NAA50: variants seen among roughly 807,000 people sequenced by gnomAD.
NAA50 encodes the protein N-alpha-acetyltransferase 50.
In NAA50, 7 loss-of-function variants were observed where a neutral mutation model predicts 20.7. The observed-to-expected ratio is 0.34, with a 90% CI of 0.19 to 0.63. The LOEUF is 0.63. NAA50 is among the 30% of genes least tolerant of loss of function. The pLI is 0.75. For missense variants in NAA50, 111 were observed against 199.1 expected, an observed-to-expected ratio of 0.56 and a Z score of 2.66; for synonymous variants, 54 against 70.6, an observed-to-expected ratio of 0.77 and a Z score of 1.18.
chr3:113,733,501 GATAAT>G (rs1168729023), intron 1 of NAA50, among the ~76,000 whole-genome samples: 2 of 152,002 alleles, frequency 1.3e-5, no homozygotes, highest in Admixed American at 6.6e-5. Context: ...CAGATCATAA[GATAAT>G]ATAAGGTATT....
chr3:113,731,404 A>G (rs9827682), intron 1 of NAA50, among the ~76,000 whole-genome samples: 54,208 of 151,990 alleles, frequency 0.36, 9,756 homozygotes, highest in East Asian at 0.4. Flanking sequence ...TTCTCTAGAC[A>G]TTTTACATTT....
intron 1 of NAA50, among the ~76,000 whole-genome samples, chr3:113,726,930 G>A (rs1708206547): frequency 1.3e-5 from 2 of 152,254 alleles, no homozygotes; most frequent in Middle Eastern, 3.4e-3. Context: ...GAGTAGCTGA[G>A]GAAGGCACAT....
intron 1 of NAA50, among the ~76,000 whole-genome samples, chr3:113,743,183 A>G (rs1293540426): frequency 6.6e-6 from 1 of 152,210 alleles, no homozygotes; most frequent in Non-Finnish European, 1.5e-5. Flanking sequence ...AAAAATACTC[A>G]TGGTAAAAAT....
At position 113,717,007 on chromosome 3, in the gene NAA50, T is replaced by G. The variant is rs1222785615; in HGVS notation, c.*4753A>C. 3 of 152,208 alleles carry G rather than the reference T, an allele frequency of 2.0e-5. No individual in the cohort carries two copies. Among genetic ancestry groups the G allele is most frequent in the Non-Finnish European group, 2.9e-5 (2 of 68,032 alleles). The allele number at this position is 152,208 out of a possible 1,614,324, so 9.4% of individuals were successfully genotyped here. ...ATTTTTTTCTTATTCTAGAAGCTAC[T>G]GAGCAAGGAAAATACCTTGATTCAT... On this transcript the variant is annotated 3_prime_UTR_variant, in exon 5 of 5. Coordinates refer to ENST00000240922, the MANE Select transcript of NAA50 (RefSeq NM_025146.4).
intron 1 of NAA50, among the ~76,000 whole-genome samples, chr3:113,728,382 G>A (rs1708227398): frequency 6.6e-6 from 1 of 152,118 alleles, no homozygotes; most frequent in Non-Finnish European, 1.5e-5. Flanking sequence ...ACATCTGGTA[G>A]GAAAGACAGG....
intron 1 of NAA50, among the ~76,000 whole-genome samples, chr3:113,741,986 T>C (rs1708422410): frequency 6.6e-6 from 1 of 152,208 alleles, no homozygotes; most frequent in Non-Finnish European, 1.5e-5. Context: ...TACTTCCCTT[T>C]TATTTTTCTT....
intron 1 of NAA50, among the ~76,000 whole-genome samples, chr3:113,741,955 G>A (rs1031085436): frequency 1.3e-5 from 2 of 152,048 alleles, no homozygotes; most frequent in Non-Finnish European, 2.9e-5. Flanking sequence ...ATTAAATACT[G>A]AAATAAATTT....
chr3:113,736,499 G>A (rs745306546), intron 1 of NAA50, among the ~76,000 whole-genome samples: 12 of 152,058 alleles, frequency 7.9e-5, no homozygotes, highest in Non-Finnish European at 1.5e-4. Context: ...CTTTACCCTT[G>A]GCCTATAAAT....
intron 1 of NAA50, 35 bp downstream of exon 1, chr3:113,745,907 C>A (rs1245597802): frequency 1.2e-6 from 2 of 1,601,134 alleles, no homozygotes; most frequent in African/African-American, 1.3e-5. Context: ...CCTTCTACCC[C>A]ACCGGCCGGG....
intron 1 of NAA50, among the ~76,000 whole-genome samples, chr3:113,734,724 G>A (rs1324381476): frequency 6.6e-6 from 1 of 152,196 alleles, no homozygotes. Context: ...AGCTGAATGA[G>A]TGAGCCTTCC....
intron 1 of NAA50, among the ~76,000 whole-genome samples, chr3:113,733,720 G>T (rs553497987): frequency 6.6e-6 from 1 of 151,740 alleles, no homozygotes; most frequent in Non-Finnish European, 1.5e-5. Flanking sequence ...AGGTGTGGTG[G>T]CGCACACCTG....
chr3:113,723,071 AG>A, intron 3 of NAA50, 99 bp from the exon 4 acceptor site: 1 of 1,366,396 alleles, frequency 7.3e-7, no homozygotes, highest in Non-Finnish European at 9.7e-7. Context: ...GAGTCCTAAA[AG>A]AATTTATGAG....
Position 113,717,459 on chromosome 3 carries a change from AC to A in NAA50, c.*4300del, listed in dbSNP as rs1371274227. 1.3e-5 allele frequency: 2 copies of A among 152,222 alleles called. No homozygotes were observed. Among genetic ancestry groups the A allele is most frequent in the Admixed American group, 1.3e-4 (2 of 15,280 alleles). 9.4% of individuals were successfully genotyped at this position (152,222 alleles called of 1,614,324 possible). ...TGACTTAAATAATTCTCAATGTTCTACCAAGTTAACAACACACATTAAGAAA... is the reference window on the plus strand; with the variant it reads ...TGACTTAAATAATTCTCAATGTTCTACAAGTTAACAACACACATTAAGAAA... On this transcript the variant is annotated 3_prime_UTR_variant, in exon 5 of 5. Transcript: ENST00000240922.
At chr3:113,744,889 A>C (rs189992912) in intron 1 of NAA50, among the ~76,000 whole-genome samples, 1 of 152,234 alleles carries the variant, frequency 6.6e-6, no homozygotes, top group South Asian at 2.1e-4. Context: ...GATTACGTTG[A>C]AAGTGACTTT....
At chr3:113,745,726 G>T in intron 1 of NAA50, 1 of 547,424 alleles carries the variant, frequency 1.8e-6, no homozygotes, top group Non-Finnish European at 3.1e-6. Flanking sequence ...AAACCCTGAA[G>T]CCCCCCGGGT....
At chr3:113,733,116 C>A (rs2107990693) in intron 1 of NAA50, among the ~76,000 whole-genome samples, 1 of 151,448 alleles carries the variant, frequency 6.6e-6, no homozygotes, top group Admixed American at 6.6e-5. Flanking sequence ...TGTACTCCTG[C>A]TTTTACATTG....
chr3:113,727,942 A>G (rs895296026), intron 1 of NAA50, among the ~76,000 whole-genome samples: 2 of 152,210 alleles, frequency 1.3e-5, no homozygotes, highest in East Asian at 3.8e-4. Flanking sequence ...TCTCATTAAC[A>G]TGATATGTCT....
intron 1 of NAA50, among the ~76,000 whole-genome samples, chr3:113,731,919 T>C (rs1457400555): frequency 6.6e-6 from 1 of 152,250 alleles, no homozygotes; most frequent in Non-Finnish European, 1.5e-5. Flanking sequence ...AATGCTGCTA[T>C]GAATATTGCA....
intron 1 of NAA50, 137 bp downstream of exon 1, chr3:113,745,805 G>GGTTC: frequency 9.4e-7 from 1 of 1,065,166 alleles, no homozygotes; most frequent in South Asian, 1.7e-5. Flanking sequence ...GGGAGCCGAG[G>GGTTC]GAACTGAGAA....
Sources: allele counts gnomAD v4.1 joint callset (sites outside exome capture counted in the v4.1 genomes callset), GRCh38; gene constraint gnomAD v4.1.1; transcripts MANE v1.5; gene names NCBI Gene and HGNC (gene_info 2026-07-23, HGNC 2026-07-21).